Variants in NPC1L1 observed in about 807,000 individuals in gnomAD.
NPC1L1 encodes NPC1 like intracellular cholesterol transporter 1.
NPC1L1 carries 98 observed loss-of-function variants against 117.0 expected under a neutral mutation model. The observed-to-expected ratio is 0.84, with a 90% CI of 0.71 to 0.99. The LOEUF is 0.99. NPC1L1 is among the 50% of genes least tolerant of loss of function. NPC1L1 has a pLI of 0.00. For synonymous variants in NPC1L1, 729 were observed against 727.6 expected (o/e 1.00, Z -0.03); for missense variants, 1,540 against 1,710.0 (o/e 0.90, Z 1.75).
Position 44,541,107 on chromosome 7 carries a change from C to T in NPC1L1, c.54+99G>A, listed in dbSNP as rs565454155. The T allele has an allele frequency of 1.5e-5, 20 of 1,328,700 alleles. No individual in the cohort carries two copies. The Admixed American group carries it at 3.6e-4, about 24-fold the overall frequency. 82.3% of individuals were successfully genotyped at this position (1,328,700 alleles called of 1,614,324 possible). A position where few individuals can be genotyped will look rare whatever the true frequency, so the allele number is the denominator to read the frequency against. ...TGCCCAGCCCGCAGGCCCTGAGGCT[C>T]CCTTGCTGTCACCCAGTAACGCTCG... On this transcript the variant is annotated intron_variant, in intron 1 of 18. Coordinates refer to ENST00000381160, the MANE Select transcript of NPC1L1 (RefSeq NM_001101648.2).
intron 10 of NPC1L1, 118 bp from the exon 11 acceptor site, chr7:44,522,360 G>A (rs1801387211): frequency 2.1e-6 from 2 of 959,570 alleles, no homozygotes; most frequent in Non-Finnish European, 3.2e-6. Context: ...CACATGTTCA[G>A]AGGTCCATGA....
chr7:44,522,157 T>C lies in NPC1L1; in HGVS notation c.2723A>G (p.Tyr908Cys). Reference sequence around the variant, plus strand: ...CATCCCAGCCTCGCTGGAGAAGTTGTAGCCCAAGGTGGTAACAAAGTACAC... The same window carrying C: ...CATCCCAGCCTCGCTGGAGAAGTTGCAGCCCAAGGTGGTAACAAAGTACAC... Reference protein sequence around the residue: ...APVYFVTTLGYNFSSEAGMNA... With the variant: ...APVYFVTTLGCNFSSEAGMNA... The change falls in exon 11 of 19, where the codon TAC becomes TGC. Residue 908 changes from tyrosine (Y) to cysteine (C), a missense_variant. Tyr to Cys is a radical substitution (Grantham distance 194). Coordinates refer to ENST00000381160, the MANE Select transcript of NPC1L1 (RefSeq NM_001101648.2). The C allele has an allele frequency of 6.2e-7, 1 of 1,613,922 alleles. No homozygotes were observed. Among genetic ancestry groups the C allele is most frequent in the South Asian group, 1.1e-5 (1 of 91,074 alleles).
Position 44,513,663 on chromosome 7 carries a change from G to C in NPC1L1, c.3797-14C>G, listed in dbSNP as rs1242295855. 3 of 1,610,980 alleles carry C rather than the reference G, an allele frequency of 1.9e-6. No homozygotes were observed. In the Admixed American group the frequency reaches 5.0e-5, roughly 27 times the overall value. On this transcript the variant is annotated splice_polypyrimidine_tract_variant and intron_variant, in intron 18 of 18. Transcript: ENST00000381160. ...TAACGTCAGGCCCTGCGGAGAGACA[G>C]AGAACCACAGTCAGAGAGGTGGGCA...
At chr7:44,515,376 T>C (rs1013962851) in intron 18 of NPC1L1, among the ~76,000 whole-genome samples, 2 of 152,068 alleles carry the variant, frequency 1.3e-5, no homozygotes, top group African/African-American at 4.8e-5. Flanking sequence ...ATAATAATAA[T>C]AGAATGGAAC....
chr7:44,515,136 C>T (rs1801145565), intron 18 of NPC1L1, among the ~76,000 whole-genome samples: 1 of 152,188 alleles, frequency 6.6e-6, no homozygotes, highest in South Asian at 2.1e-4. Flanking sequence ...TGGTGGATCA[C>T]TTGAGCTCAG....
At chr7:44,517,752 G>A (rs970045192) in intron 14 of NPC1L1, among the ~76,000 whole-genome samples, 9 of 152,178 alleles carry the variant, frequency 5.9e-5, no homozygotes, top group African/African-American at 1.2e-4. Flanking sequence ...AAATGAGAAC[G>A]GTTGGATTAT....
intron 10 of NPC1L1, among the ~76,000 whole-genome samples, chr7:44,530,780 C>T (rs1293025138): frequency 6.6e-6 from 1 of 152,122 alleles, no homozygotes; most frequent in Admixed American, 6.5e-5. Flanking sequence ...TCTGTGACTC[C>T]TCACCTGCTC....
At chr7:44,533,701 A>C in intron 7 of NPC1L1, 38 bp downstream of exon 7, 2 of 1,609,596 alleles carry the variant, frequency 1.2e-6, no homozygotes, top group Non-Finnish European at 1.7e-6. Flanking sequence ...TAACCCAGCA[A>C]GCCTAATGCC....
Position 44,516,793 on chromosome 7 carries a change from G to A in NPC1L1, c.3429C>T (p.Leu1143=), listed in dbSNP as rs1284465192. The change falls in exon 16 of 19, where the codon CTC becomes CTT. Residue 1143 remains leucine (L), a synonymous_variant. Transcript: ENST00000381160. The stretch of plus-strand genomic sequence containing the variant: ...TGTCCACGAGGATCATGACAATGGA[G>A]AGCAGGTTGAGGAGGCCGGAGCGCA... ...LDLRSGLLNL[L]SIVMILVDTV... 3 of 1,614,126 alleles carry A rather than the reference G, an allele frequency of 1.9e-6. No homozygotes were observed. The highest frequency in any genetic ancestry group is 1.7e-6 in the Non-Finnish European group (2 of 1,180,034).
At position 44,517,374 on chromosome 7, in the gene NPC1L1, C is replaced by T. The variant is rs2117022505; in HGVS notation, c.3137-17G>A. On this transcript the variant is annotated splice_polypyrimidine_tract_variant and intron_variant, in intron 14 of 18. Transcript: ENST00000381160. ...ACCTGGAGGCTGGACAGCCATGGCA[C>T]ACAGAAGATGGAAGGGCAAAGGTCA... 2 of 1,608,392 alleles carry T rather than the reference C, an allele frequency of 1.2e-6. No homozygotes were observed. Among genetic ancestry groups the T allele is most frequent in the Middle Eastern group, 1.7e-4 (1 of 6,042 alleles).
chr7:44,531,475 G>A (rs777752924), intron 10 of NPC1L1, among the ~76,000 whole-genome samples: 12 of 152,242 alleles, frequency 7.9e-5, no homozygotes, highest in Non-Finnish European at 1.6e-4. Context: ...TCAGCAAAGT[G>A]GCAGTCATTC....
chr7:44,533,404 C>T, intron 8 of NPC1L1, 27 bp downstream of exon 8: 1 of 1,613,152 alleles, frequency 6.2e-7, no homozygotes, highest in Non-Finnish European at 8.5e-7. Context: ...GGGGCAGGTC[C>T]CTCAGTACTG....
At chr7:44,524,495 C>T (rs575374089) in intron 10 of NPC1L1, among the ~76,000 whole-genome samples, 1 of 152,322 alleles carries the variant, frequency 6.6e-6, no homozygotes, top group South Asian at 2.1e-4. Context: ...TGGCTGATGC[C>T]TGTAATCCCA....
chr7:44,514,128 C>T (rs2117014328), intron 18 of NPC1L1, among the ~76,000 whole-genome samples: 1 of 152,302 alleles, frequency 6.6e-6, no homozygotes, highest in Non-Finnish European at 1.5e-5. Flanking sequence ...ATAATAATAC[C>T]TGCCTCGGGG....
chr7:44,533,730 C>A lies in NPC1L1; in HGVS notation c.2281+9G>T. ...TAATGCCGAGTGGGGAGGTCTCACCCAGGCTCACCTAGGAAGAAGCAGATG... is the reference window on the plus strand; with the variant it reads ...TAATGCCGAGTGGGGAGGTCTCACCAAGGCTCACCTAGGAAGAAGCAGATG... On this transcript the variant is annotated intron_variant, in intron 7 of 18. Transcript: ENST00000381160. 6.2e-7 allele frequency: 1 copy of A among 1,612,856 alleles called. No individual in the cohort carries two copies. The highest frequency in any genetic ancestry group is 1.1e-5 in the South Asian group (1 of 90,992).
At chr7:44,516,019 C>G in intron 17 of NPC1L1, 54 bp from the exon 18 acceptor site, 3 of 1,610,056 alleles carry the variant, frequency 1.9e-6, no homozygotes, top group Non-Finnish European at 2.5e-6. Context: ...AGGCAGGGCA[C>G]AGGGCATCAG....
Position 44,539,592 on chromosome 7 carries a change from G to T in NPC1L1, c.805C>A (p.Pro269Thr), listed in dbSNP as rs1267125217. The T allele has an allele frequency of 1.9e-6, 3 of 1,613,918 alleles. No individual in the cohort carries two copies. Among genetic ancestry groups the T allele is most frequent in the Non-Finnish European group, 2.5e-6 (3 of 1,180,034 alleles). The change falls in exon 2 of 19, where the codon CCC (proline) becomes ACC (threonine). Residue 269 changes from proline (P) to threonine (T), a missense_variant. Physicochemically the swap from Pro to Thr is conservative, Grantham distance 38. Around this residue, in one of 3 missense-constraint regions of NPC1L1, gnomAD observed 793 missense variants for 820.4 expected, o/e 0.97. Transcript: ENST00000381160. The surrounding 1 kb of genome is among the most constrained non-coding windows in gnomAD (Gnocchi z 4.4). ...TAGAAGGTGGAGTCGAGGGCCTGGGGGCGGGCTATGGCAGGACAGGATGCA... is the reference window on the plus strand; with the variant it reads ...TAGAAGGTGGAGTCGAGGGCCTGGGTGCGGGCTATGGCAGGACAGGATGCA... The part of the protein sequence containing the change: ...CAASCPAIAR[P>T]QALDSTFYLG...
chr7:44,527,442 C>T (rs1585138210), intron 10 of NPC1L1, among the ~76,000 whole-genome samples: 2 of 41,652 alleles, frequency 4.8e-5, no homozygotes, highest in Admixed American at 3.9e-4. Flanking sequence ...GGGTGGGCAA[C>T]AAGAGCAAAA....
At chr7:44,523,917 T>C (rs1801433390) in intron 10 of NPC1L1, among the ~76,000 whole-genome samples, 1 of 152,142 alleles carries the variant, frequency 6.6e-6, no homozygotes, top group Admixed American at 6.6e-5. Context: ...TTCTGATAAT[T>C]GATCATTACT....
Sources: gnomAD v4.1 joint callset for allele counts (sites outside exome capture counted in the v4.1 genomes callset) on GRCh38, gnomAD v4.1.1 for gene constraint, gnomAD v4.1.1 regional missense constraint, Gnocchi (gnomAD v3.1) non-coding constraint, MANE v1.5 for transcripts, NCBI Gene and HGNC (gene_info 2026-07-23, HGNC 2026-07-21) for gene names.